The following ACTMAP variants were observed in gnomAD, a reference collection of about 807,000 sequenced individuals.
ACTMAP encodes the protein actin maturation protease, also known as UPF0692 protein C19orf54.
the ACTMAP span, chr19:40,749,928 G>C: frequency 1.3e-6 from 1 of 753,326 alleles, no homozygotes; most frequent in Admixed American, 3.9e-5. Flanking sequence ...TCTGGGGACT[G>C]AGCAGTGGGT....
chr19:40,747,365 C>T, the ACTMAP span, among the ~76,000 whole-genome samples: 3 of 151,620 alleles, frequency 2.0e-5, no homozygotes, highest in South Asian at 2.1e-4. Flanking sequence ...GACGACAGCC[C>T]GTCTCTACTA....
the ACTMAP span, among the ~76,000 whole-genome samples, chr19:40,743,179 T>C: frequency 6.6e-6 from 1 of 151,586 alleles, no homozygotes; most frequent in African/African-American, 2.4e-5. Context: ...GGGGGAATGA[T>C]GAAAACGGTG....
the ACTMAP span, among the ~76,000 whole-genome samples, chr19:40,749,176 A>T: frequency 6.6e-6 from 1 of 151,902 alleles, no homozygotes; most frequent in South Asian, 2.1e-4. Flanking sequence ...TTTTTAATAG[A>T]GATGCGGTTT....
the ACTMAP span, chr19:40,744,073 A>G: frequency 9.3e-6 from 15 of 1,613,956 alleles, no homozygotes; most frequent in Non-Finnish European, 1.2e-5. Context: ...ATACGGGATG[A>G]GCAGGGGATG....
At chr19:40,749,741 G>C in the ACTMAP span, 1 of 1,493,922 alleles carries the variant, frequency 6.7e-7, no homozygotes, top group Non-Finnish European at 8.9e-7. Context: ...TGCTGGCTTG[G>C]GGTACAGGGG....
At chr19:40,740,913 G>C in the ACTMAP span, 1 of 398,594 alleles carries the variant, frequency 2.5e-6, no homozygotes, top group Non-Finnish European at 4.4e-6. Flanking sequence ...ACGTGGGCTG[G>C]GTGGGGTAAC....
chr19:40,741,441 TAA>T, the ACTMAP span: 116,747 of 200,332 alleles, frequency 0.58, 31,941 homozygotes, highest in Admixed American at 0.64. Flanking sequence ...AGACTCCATC[TAA>T]AAAAAAAAAA....
the ACTMAP span, among the ~76,000 whole-genome samples, chr19:40,747,940 T>C: frequency 6.6e-6 from 1 of 152,154 alleles, no homozygotes; most frequent in Non-Finnish European, 1.5e-5. Context: ...CTTTCTGCAC[T>C]ATAGCTAAGG....
At chr19:40,742,242 T>C in the ACTMAP span, 1 of 719,938 alleles carries the variant, frequency 1.4e-6, no homozygotes, top group South Asian at 1.5e-5. Flanking sequence ...GGCCGCAGGG[T>C]CCGGGCTGTT....
chr19:40,750,041 C>T, the ACTMAP span: 5 of 412,256 alleles, frequency 1.2e-5, no homozygotes, highest in Non-Finnish European at 2.1e-5. Context: ...GTCCTTAAAT[C>T]CGGAACCGGA....
At chr19:40,741,894 T>C in the ACTMAP span, 1,163 of 453,824 alleles carry the variant, frequency 2.6e-3, 8 homozygotes, top group African/African-American at 0.019. Context: ...GGGAGGGGTG[T>C]CTTGACTGGG....
At chr19:40,744,782 C>G in the ACTMAP span, 1 of 1,449,014 alleles carries the variant, frequency 6.9e-7, no homozygotes, top group Non-Finnish European at 9.1e-7. Context: ...AGGAGTCCCC[C>G]TCCCCTCTCC....
the ACTMAP span, chr19:40,741,172 T>C: frequency 1.0e-5 from 4 of 396,774 alleles, no homozygotes; most frequent in Non-Finnish European, 1.8e-5. Context: ...CCGGGCTCAG[T>C]GGCTCACACC....
the ACTMAP span, chr19:40,749,414 C>CG: frequency 2.1e-6 from 3 of 1,424,906 alleles, no homozygotes; most frequent in East Asian, 2.5e-5. Flanking sequence ...ACCCCCCCCC[C>CG]ACCCCAAGAG....
chr19:40,748,211 C>A, the ACTMAP span, among the ~76,000 whole-genome samples: 1 of 152,096 alleles, frequency 6.6e-6, no homozygotes. Context: ...CGCCTGTAAT[C>A]CCACCACTTT....
chr19:40,743,940 C>T, the ACTMAP span: 2 of 1,613,920 alleles, frequency 1.2e-6, no homozygotes, highest in Non-Finnish European at 8.5e-7. Context: ...GTGGCCCTTC[C>T]TCTGACACGG....
chr19:40,749,867 G>T, the ACTMAP span: 1 of 1,219,414 alleles, frequency 8.2e-7, no homozygotes, highest in Non-Finnish European at 1.1e-6. Flanking sequence ...CTCCAACGGA[G>T]AACGGTCTCA....
the ACTMAP span, chr19:40,749,459 G>A: frequency 1.9e-6 from 3 of 1,542,114 alleles, no homozygotes; most frequent in Non-Finnish European, 2.6e-6. Context: ...CCTGGGTGGT[G>A]GGTGGGGCAT....
chr19:40,743,390 G>A, the ACTMAP span, among the ~76,000 whole-genome samples: 5,050 of 152,090 alleles, frequency 0.033, 134 homozygotes, highest in Non-Finnish European at 0.052. Context: ...ACACCACCAC[G>A]CCTGGCTAAT....
Sources: gnomAD v4.1 joint callset for allele counts (sites outside exome capture counted in the v4.1 genomes callset) on GRCh38, gnomAD v4.1.1 for gene constraint, MANE v1.5 for transcripts, NCBI Gene and HGNC (gene_info 2026-07-23, HGNC 2026-07-21) for gene names.